The following SBF2 variants were observed in gnomAD, a reference collection of about 807,000 sequenced individuals.
The protein encoded by SBF2 is SET binding factor 2.
A neutral mutation model predicts 225.2 loss-of-function variants in SBF2; 112 were observed. That is an observed-to-expected ratio of 0.50 (90% confidence interval 0.43 to 0.58). The LOEUF is 0.58. Ranked by LOEUF, SBF2 falls within the 20% of genes least tolerant of loss-of-function variation. The probability of loss-of-function intolerance (pLI) is 0.00; values close to 1 mark genes in which losing one functional copy is unlikely to be tolerated. For missense variants in SBF2, 1,996 were observed against 2,206.2 expected, an observed-to-expected ratio of 0.90 and a Z score of 1.91; for synonymous variants, 763 against 773.3, an observed-to-expected ratio of 0.99 and a Z score of 0.22.
intron 2 of SBF2, among the ~76,000 whole-genome samples, chr11:10,174,802 C>G (rs1318330424): frequency 1.3e-5 from 2 of 152,084 alleles, no homozygotes; most frequent in East Asian, 3.9e-4. Flanking sequence ...ATCAGACTAA[C>G]AGCGGATCTC....
intron 6 of SBF2, among the ~76,000 whole-genome samples, chr11:10,023,458 A>G (rs1948933739): frequency 6.6e-6 from 1 of 152,256 alleles, no homozygotes; most frequent in East Asian, 1.9e-4. Context: ...TTGTACAAGC[A>G]TCATTAGTAT....
chr11:10,082,354 G>A (rs1382539295), intron 2 of SBF2, among the ~76,000 whole-genome samples: 6 of 152,150 alleles, frequency 3.9e-5, no homozygotes, highest in South Asian at 4.1e-4. Flanking sequence ...TAATGTGGAC[G>A]GAAACTTCCC....
At chr11:10,064,012 A>G (rs1042724925) in intron 2 of SBF2, among the ~76,000 whole-genome samples, 2 of 152,174 alleles carry the variant, frequency 1.3e-5, no homozygotes, top group Admixed American at 6.6e-5. Flanking sequence ...AGATGCAAAT[A>G]TGACTGCATA....
chr11:9,920,140 C>T (rs1176822903), intron 16 of SBF2, among the ~76,000 whole-genome samples: 1 of 151,184 alleles, frequency 6.6e-6, no homozygotes, highest in African/African-American at 2.4e-5. Flanking sequence ...GAGAGTACAG[C>T]AACTACATAT....
In SBF2 at chr11:9,845,637, A is replaced by G; in HGVS notation, c.3038T>C (p.Phe1013Ser). The change falls in exon 24 of 40, where the codon TTT becomes TCT. Residue 1013 changes from phenylalanine to serine, a missense_variant. Coordinates refer to ENST00000256190, the MANE Select transcript of SBF2 (RefSeq NM_030962.4). ...GGTAGTTTGTCCAGCAGCAAAAGCAAAGGTACTGAAAATGGACTGAGGATA... is the reference window on the plus strand; with the variant it reads ...GGTAGTTTGTCCAGCAGCAAAAGCAGAGGTACTGAAAATGGACTGAGGATA... Reference protein sequence around the residue: ...FRYPQSIFSTFAFAAGQTTPQ... With the variant: ...FRYPQSIFSTSAFAAGQTTPQ... The G allele has an allele frequency of 6.2e-7, 1 of 1,613,976 alleles. No individual in the cohort carries two copies. Among genetic ancestry groups the G allele is most frequent in the Non-Finnish European group, 8.5e-7 (1 of 1,179,844 alleles).
intron 2 of SBF2, among the ~76,000 whole-genome samples, chr11:10,092,446 T>C (rs527929388): frequency 2.5e-4 from 38 of 152,338 alleles, no homozygotes; most frequent in Non-Finnish European, 5.1e-4. Flanking sequence ...AGCTGATGAA[T>C]GAAATGAGAA....
chr11:10,179,551 G>A (rs1956643498), intron 2 of SBF2, among the ~76,000 whole-genome samples: 1 of 152,118 alleles, frequency 6.6e-6, no homozygotes, highest in Non-Finnish European at 1.5e-5. Context: ...GTTTTATAGT[G>A]CAGATTAAGT....
At chr11:9,966,226 C>G (rs1428100250) in intron 14 of SBF2, among the ~76,000 whole-genome samples, 2 of 152,008 alleles carry the variant, frequency 1.3e-5, no homozygotes, top group African/African-American at 2.4e-5. Flanking sequence ...GTAGCTGGGA[C>G]TACAGGTGCA....
At chr11:9,920,204 GTATA>G (rs1554954741) in intron 16 of SBF2, among the ~76,000 whole-genome samples, 1 of 115,272 alleles carries the variant, frequency 8.7e-6, no homozygotes, top group South Asian at 2.8e-4. Flanking sequence ...GTGTGTGTGT[GTATA>G]TATATATATA....
chr11:10,082,899 G>A (rs1399079672), intron 2 of SBF2, among the ~76,000 whole-genome samples: 1 of 152,100 alleles, frequency 6.6e-6, no homozygotes, highest in Non-Finnish European at 1.5e-5. Context: ...AACCAGGCAA[G>A]AGAAAGAAAT....
intron 2 of SBF2, among the ~76,000 whole-genome samples, chr11:10,115,248 C>T (rs1178663991): frequency 3.3e-5 from 5 of 151,956 alleles, no homozygotes; most frequent in African/African-American, 9.7e-5. Flanking sequence ...ACTGGCAGTT[C>T]TAACCTTTTC....
chr11:9,833,755 T>C (rs1194930571), intron 26 of SBF2, among the ~76,000 whole-genome samples: 1 of 146,304 alleles, frequency 6.8e-6, no homozygotes, highest in Non-Finnish European at 1.5e-5. Flanking sequence ...ATACCTAACA[T>C]AAAATTTATC....
chr11:9,846,453 A>G (rs1435404439), intron 23 of SBF2, among the ~76,000 whole-genome samples: 2 of 152,232 alleles, frequency 1.3e-5, no homozygotes, highest in African/African-American at 2.4e-5. Flanking sequence ...GCATTATTCA[A>G]TAATTATTGA....
At chr11:10,009,969 T>C (rs1193595365) in intron 6 of SBF2, among the ~76,000 whole-genome samples, 4 of 152,344 alleles carry the variant, frequency 2.6e-5, no homozygotes, top group South Asian at 2.1e-4. Flanking sequence ...TGGTATCTCA[T>C]TGTGGTTTTG....
At chr11:9,806,943 A>G (rs981684312) in intron 32 of SBF2, among the ~76,000 whole-genome samples, 4 of 152,234 alleles carry the variant, frequency 2.6e-5, no homozygotes, top group Non-Finnish European at 5.9e-5. Flanking sequence ...AGTGATCTGG[A>G]AAGTTGATCA....
rs370321615 is a variant in SBF2 at position 9,856,552 on chromosome 11, G to A, written c.2269C>T (p.Leu757=). 1.9e-6 allele frequency: 3 copies of A among 1,613,960 alleles called. No individual in the cohort carries two copies. Among genetic ancestry groups the A allele is most frequent in the Non-Finnish European group, 2.5e-6 (3 of 1,180,014 alleles). ...TTACTTGTGTCGAGTGGAACTAGCA[G>A]GTTCACCATGAGGTTTGCAAAGTGA... ...AIHFANLMVN[L]LVPLDTSKNK... The change falls in exon 19 of 40, where the codon CTG becomes TTG. Residue 757 remains leucine, a synonymous_variant. Coordinates refer to ENST00000256190, the MANE Select transcript of SBF2 (RefSeq NM_030962.4).
At chr11:10,165,892 T>C (rs575917613) in intron 2 of SBF2, among the ~76,000 whole-genome samples, 1 of 152,348 alleles carries the variant, frequency 6.6e-6, no homozygotes, top group South Asian at 2.1e-4. Flanking sequence ...TCTCACAGTA[T>C]TTTCAATTAT....
At chr11:9,901,564 C>T (rs755091584) in intron 16 of SBF2, among the ~76,000 whole-genome samples, 2 of 152,134 alleles carry the variant, frequency 1.3e-5, no homozygotes, top group Non-Finnish European at 2.9e-5. Context: ...CAATAAGATA[C>T]CAGATTATAA....
chr11:10,247,361 G>A (rs1959902271), intron 1 of SBF2, among the ~76,000 whole-genome samples: 1 of 151,972 alleles, frequency 6.6e-6, no homozygotes, highest in African/African-American at 2.4e-5. Flanking sequence ...ATCAGTCTCT[G>A]TCATTCACCA....
Sources: allele counts gnomAD v4.1 joint callset (sites outside exome capture counted in the v4.1 genomes callset), GRCh38; gene constraint gnomAD v4.1.1; transcripts MANE v1.5; gene names NCBI Gene and HGNC (gene_info 2026-07-23, HGNC 2026-07-21).